Variants in TRAPPC6A observed in about 807,000 individuals in gnomAD.
TRAPPC6A encodes the protein trafficking protein particle complex subunit 6A.
TRAPPC6A carries 25 observed loss-of-function variants against 20.8 expected under a neutral mutation model. The ratio of observed to expected loss-of-function variants is 1.20; its 90% CI spans 0.88 to 1.68. The LOEUF is 1.68. Ranked by LOEUF, TRAPPC6A falls within the 40% of genes most tolerant of loss-of-function variation. The probability of loss-of-function intolerance (pLI) is 0.00; values close to 1 mark genes in which losing one functional copy is unlikely to be tolerated. For synonymous variants in TRAPPC6A, 96 were observed against 93.3 expected (o/e 1.03, Z -0.16); for missense variants, 215 against 211.6 (o/e 1.02, Z -0.10).
intron 1 of TRAPPC6A, among the ~76,000 whole-genome samples, chr19:45,167,046 C>G (rs1174804330): frequency 5.9e-5 from 9 of 152,152 alleles, no homozygotes; most frequent in Non-Finnish European, 1.5e-5. Flanking sequence ...TTCCTCCCTC[C>G]CAGCTTGCGT....
rs890274479 is a variant in TRAPPC6A, at chr19:45,173,360, A to G, written c.84+4775T>C. Among the ~76,000 whole-genome samples, 3 of 151,948 alleles carry G rather than the reference A, an allele frequency of 2.0e-5. No homozygotes were observed. The highest frequency in any genetic ancestry group is 4.4e-5 in the Non-Finnish European group (3 of 67,988). ...GGATAGGAGGTCACAAAAGCCCTACACACTGGCTGTGGCTCCTGGGCACCT... is the reference window on the plus strand; with the variant it reads ...GGATAGGAGGTCACAAAAGCCCTACGCACTGGCTGTGGCTCCTGGGCACCT... On this transcript the variant is annotated intron_variant, in intron 1 of 5. Coordinates refer to ENST00000585934, the MANE Select transcript of TRAPPC6A (RefSeq NM_001270891.2). This position sits in a 1 kb window ranked among gnomAD's most constrained non-coding sequence, Gnocchi z 4.8.
intron 1 of TRAPPC6A, among the ~76,000 whole-genome samples, chr19:45,171,169 G>A (rs1297153481): frequency 6.6e-6 from 1 of 152,214 alleles, no homozygotes; most frequent in Non-Finnish European, 1.5e-5. Context: ...GGGCGTGGTG[G>A]CGCACGCCTA....
In TRAPPC6A at chr19:45,164,980, C is replaced by T; in HGVS notation, c.153-10G>A. Reference sequence around the variant, plus strand: ...CGTCTCCCGGGGCAGCCTGGTGGGGCAGTACCAAGCTGAGGCCGTGGGGCC... The same window carrying T: ...CGTCTCCCGGGGCAGCCTGGTGGGGTAGTACCAAGCTGAGGCCGTGGGGCC... On this transcript the variant is annotated splice_polypyrimidine_tract_variant and intron_variant, in intron 2 of 5. Coordinates refer to ENST00000585934, the MANE Select transcript of TRAPPC6A (RefSeq NM_001270891.2). 4 of 1,613,798 alleles carry T rather than the reference C, an allele frequency of 2.5e-6. No individual in the cohort carries two copies. Among genetic ancestry groups the T allele is most frequent in the Non-Finnish European group, 3.4e-6 (4 of 1,179,730 alleles).
Position 45,173,556 on chromosome 19 carries a change from C to T in TRAPPC6A, c.84+4579G>A, listed in dbSNP as rs982911707. 2.6e-5 allele frequency among the ~76,000 whole-genome samples: 4 copies of T among 152,218 alleles called. No homozygotes were observed. Among genetic ancestry groups the T allele is most frequent in the African/African-American group, 9.6e-5 (4 of 41,458 alleles). ...TCGAAATCCCTTCCTCTACCAAGCACAGGGTCCCTCCTCTGTGAATCGGGA... is the reference window on the plus strand; with the variant it reads ...TCGAAATCCCTTCCTCTACCAAGCATAGGGTCCCTCCTCTGTGAATCGGGA... On this transcript the variant is annotated intron_variant, in intron 1 of 5. Coordinates refer to ENST00000585934, the MANE Select transcript of TRAPPC6A (RefSeq NM_001270891.2). The surrounding 1 kb of genome is among the most constrained non-coding windows in gnomAD (Gnocchi z 4.8).
At chr19:45,177,189 G>GCACACACACACA (rs1430293471) in intron 1 of TRAPPC6A, among the ~76,000 whole-genome samples, 1 of 97,418 alleles carries the variant, frequency 1.0e-5, no homozygotes, top group African/African-American at 4.9e-5. Flanking sequence ...ATGCGCGTGC[G>GCACACACACACA]CGCACACACA....
intron 1 of TRAPPC6A, among the ~76,000 whole-genome samples, chr19:45,170,037 G>GGCAGT (rs1969237293): frequency 6.6e-6 from 1 of 152,216 alleles, no homozygotes; most frequent in Admixed American, 6.5e-5. Flanking sequence ...AAGGGGCCCG[G>GGCAGT]GCAGTGCAGT....
At position 45,177,344 on chromosome 19, in the gene TRAPPC6A, C is replaced by CTT. The variant is rs902126597; in HGVS notation, c.84+789_84+790dup. Reference sequence around the variant, plus strand: ...GCAACATGGCAAAACCCCATTATCTCTTTTTTTTTTTTCCTGAGACAAGTC... The same window carrying CTT: ...GCAACATGGCAAAACCCCATTATCTCTTTTTTTTTTTTTTCCTGAGACAAGTC... On this transcript the variant is annotated intron_variant, in intron 1 of 5. Coordinates refer to ENST00000585934, the MANE Select transcript of TRAPPC6A (RefSeq NM_001270891.2). 8.8e-5 allele frequency among the ~76,000 whole-genome samples: 13 copies of CTT among 147,378 alleles called. No homozygotes were observed. The South Asian group carries it at 1.7e-3, about 19-fold the overall frequency.
At chr19:45,176,089 C>T (rs1334190459) in intron 1 of TRAPPC6A, among the ~76,000 whole-genome samples, 2 of 151,914 alleles carry the variant, frequency 1.3e-5, no homozygotes, top group East Asian at 1.9e-4. Flanking sequence ...AACTCCTGGG[C>T]CCAGGCAATC....
At position 45,166,811 on chromosome 19, in the gene TRAPPC6A, G is replaced by A. The variant is rs555409011; in HGVS notation, c.85-1617C>T. 3.9e-5 allele frequency among the ~76,000 whole-genome samples: 6 copies of A among 152,164 alleles called. No homozygotes were observed. In the East Asian group the frequency reaches 7.7e-4, roughly 20 times the overall value. ...CCTTCCCTTGGGAATGGCAGCTACC[G>A]CCTCCTCCCTCCAGGGCTGCACCAT... On this transcript the variant is annotated intron_variant, in intron 1 of 5. Coordinates refer to ENST00000585934, the MANE Select transcript of TRAPPC6A (RefSeq NM_001270891.2).
Position 45,163,884 on chromosome 19 carries a change from TGAGAA to T in TRAPPC6A, c.448+27_448+31del. 2 of 1,495,944 alleles carry T rather than the reference TGAGAA, an allele frequency of 1.3e-6. No homozygotes were observed. Among genetic ancestry groups the T allele is most frequent in the East Asian group, 2.4e-5 (1 of 41,412 alleles). The allele number at this position is 1,495,944 out of a possible 1,614,324, so 92.7% of individuals were successfully genotyped here. A position where few individuals can be genotyped will look rare whatever the true frequency, so the allele number is the denominator to read the frequency against. On this transcript the variant is annotated intron_variant, in intron 5 of 5. Coordinates refer to ENST00000585934, the MANE Select transcript of TRAPPC6A (RefSeq NM_001270891.2). The surrounding 1 kb of genome is among the most constrained non-coding windows in gnomAD (Gnocchi z 5.3). ...CTGAAGCCCCCAGCAACTCAAGGGA[TGAGAA>T]GAATCCCCCCACCCCCCATGACTCA...
chr19:45,166,081 TTTTGTATTTCATTAGAG>T (rs1379516059), intron 1 of TRAPPC6A, among the ~76,000 whole-genome samples: 1 of 150,530 alleles, frequency 6.6e-6, no homozygotes, highest in Non-Finnish European at 1.5e-5. Flanking sequence ...CCTACTAATT[TTTTGTATTTCATTAGAG>T]ACAGGGTTTC....
Position 45,173,965 on chromosome 19 carries a change from GCA to G in TRAPPC6A, c.84+4168_84+4169del, listed in dbSNP as rs1366601976. On this transcript the variant is annotated intron_variant, in intron 1 of 5. Transcript: ENST00000585934. The surrounding 1 kb of genome is among the most constrained non-coding windows in gnomAD (Gnocchi z 4.8). ...AGGGAACCCCTGCCCAAGGTCCCAG[GCA>G]CATTCGTGTGCTCTGAAAGGCTGGT... Among the ~76,000 whole-genome samples, 1 of 152,190 alleles carries G rather than the reference GCA, an allele frequency of 6.6e-6. No individual in the cohort carries two copies. Among genetic ancestry groups the G allele is most frequent in the African/African-American group, 2.4e-5 (1 of 41,446 alleles).
At chr19:45,165,246 G>A in intron 1 of TRAPPC6A, 52 bp from the exon 2 acceptor site, 2 of 1,536,502 alleles carry the variant, frequency 1.3e-6, no homozygotes, top group Admixed American at 3.9e-5. Context: ...CACGAACCCG[G>A]GGCCACCCAG....
At chr19:45,177,299 G>A (rs1478536737) in intron 1 of TRAPPC6A, among the ~76,000 whole-genome samples, 1 of 152,128 alleles carries the variant, frequency 6.6e-6, no homozygotes, top group African/African-American at 2.4e-5. Context: ...CTTGAGCCTA[G>A]GGGTTCAAGA....
Position 45,164,768 on chromosome 19 carries a change from T to C in TRAPPC6A, c.270+85A>G, listed in dbSNP as rs1969108225. The C allele has an allele frequency of 9.1e-6, 12 of 1,315,456 alleles. No homozygotes were observed. The South Asian group carries it at 1.4e-4, about 16-fold the overall frequency. The allele number at this position is 1,315,456 out of a possible 1,614,324, so 81.5% of individuals were successfully genotyped here. On this transcript the variant is annotated intron_variant, in intron 3 of 5. Coordinates refer to ENST00000585934, the MANE Select transcript of TRAPPC6A (RefSeq NM_001270891.2). ...GCTCTGGGCGGGTCCCGGCAGCCGC[T>C]GCTCTGGCGCCGGGGGATTCCCCTC...
At chr19:45,165,311 G>A (rs1420768927) in intron 1 of TRAPPC6A, 117 bp from the exon 2 acceptor site, 2 of 988,394 alleles carry the variant, frequency 2.0e-6, no homozygotes, top group African/African-American at 3.2e-5. Flanking sequence ...GTCAGTTCAG[G>A]GGTGAGCAGG....
chr19:45,177,191 G>GCACACACA (rs57127361), intron 1 of TRAPPC6A, among the ~76,000 whole-genome samples: 3,102 of 147,970 alleles, frequency 0.021, 46 homozygotes, highest in African/African-American at 0.038. Flanking sequence ...GCGCGTGCGC[G>GCACACACA]CACACACACA....
In TRAPPC6A at chr19:45,167,191, C is replaced by G. The variant is rs1211852854; in HGVS notation, c.85-1997G>C. Among the ~76,000 whole-genome samples, 6 of 152,186 alleles carry G rather than the reference C, an allele frequency of 3.9e-5. No homozygotes were observed. The East Asian group carries it at 1.2e-3, about 29-fold the overall frequency. On this transcript the variant is annotated intron_variant, in intron 1 of 5. Transcript: ENST00000585934. ...TGGCATGTGGGTGGTGCTTAACAGACTGGCTGATGAGACAACGTGCATCAA... is the reference window on the plus strand; with the variant it reads ...TGGCATGTGGGTGGTGCTTAACAGAGTGGCTGATGAGACAACGTGCATCAA...
At chr19:45,167,993 C>CT (rs968943946) in intron 1 of TRAPPC6A, among the ~76,000 whole-genome samples, 1,059 of 99,984 alleles carry the variant, frequency 0.011, 88 homozygotes, top group African/African-American at 0.016. Flanking sequence ...AAGACCCTGT[C>CT]TTTTTTTTTT....
Sources: gnomAD v4.1 joint callset for allele counts (sites outside exome capture counted in the v4.1 genomes callset) on GRCh38, gnomAD v4.1.1 for gene constraint, Gnocchi (gnomAD v3.1) non-coding constraint, MANE v1.5 for transcripts, NCBI Gene and HGNC (gene_info 2026-07-23, HGNC 2026-07-21) for gene names.